Variants in UGGT2 observed in about 807,000 individuals in gnomAD.
UGGT2 encodes the protein UDP-glucose glycoprotein glucosyltransferase 2, also known as UDP-glucose:glycoprotein glucosyltransferase 2.
UGGT2 carries 180 observed loss-of-function variants against 192.1 expected under a neutral mutation model. That is an observed-to-expected ratio of 0.94 (90% CI 0.83 to 1.06). UGGT2 has a LOEUF of 1.06. Ranked by LOEUF, UGGT2 falls within the 50% of genes least tolerant of loss-of-function variation. The pLI, the probability that UGGT2 is intolerant of heterozygous loss-of-function variation, is 0.00. For synonymous variants in UGGT2, 580 were observed against 591.0 expected (o/e 0.98, Z 0.27); for missense variants, 1,849 against 1,795.7 (o/e 1.03, Z -0.54).
At chr13:95,955,446 A>C (rs531047394) in intron 12 of UGGT2, among the ~76,000 whole-genome samples, 1 of 152,356 alleles carries the variant, frequency 6.6e-6, no homozygotes, top group South Asian at 2.1e-4. Flanking sequence ...TATGCAAATC[A>C]GGTGGTACCT....
chr13:95,999,149 AC>A, intron 6 of UGGT2, 61 bp downstream of exon 6: 1 of 1,403,010 alleles, frequency 7.1e-7, no homozygotes, highest in Non-Finnish European at 1.0e-6. Context: ...TTTTTAAAAA[AC>A]TAAAGTATGT....
intron 24 of UGGT2, among the ~76,000 whole-genome samples, chr13:95,893,713 C>A (rs2047868500): frequency 6.6e-6 from 1 of 152,122 alleles, no homozygotes; most frequent in African/African-American, 2.4e-5. Flanking sequence ...AAGGTGATAA[C>A]TGTAAGACAC....
chr13:96,027,646 C>A (rs1056542569), intron 2 of UGGT2, among the ~76,000 whole-genome samples: 1 of 152,128 alleles, frequency 6.6e-6, no homozygotes, highest in Non-Finnish European at 1.5e-5. Context: ...CTTAACGACA[C>A]GTAGCTCTAC....
chr13:95,976,499 T>A (rs2050941754), intron 10 of UGGT2, among the ~76,000 whole-genome samples: 2 of 152,156 alleles, frequency 1.3e-5, no homozygotes, highest in Admixed American at 1.3e-4. Flanking sequence ...ACCTCTATAC[T>A]ACTGTTTTCC....
chr13:95,908,115 T>C (rs1393075198), intron 20 of UGGT2, among the ~76,000 whole-genome samples: 1 of 152,088 alleles, frequency 6.6e-6, no homozygotes, highest in Non-Finnish European at 1.5e-5. Context: ...CAAGCTTCAA[T>C]AGCAGATTCA....
chr13:95,964,617 A>G (rs1006729657), intron 12 of UGGT2, among the ~76,000 whole-genome samples: 1 of 152,188 alleles, frequency 6.6e-6, no homozygotes, highest in African/African-American at 2.4e-5. Context: ...TAAAATAAAC[A>G]ATCTTATTTT....
chr13:95,874,740 G>T (rs1891516925), intron 29 of UGGT2, among the ~76,000 whole-genome samples: 1 of 151,810 alleles, frequency 6.6e-6, no homozygotes, highest in African/African-American at 2.4e-5. Context: ...TGCCCAGCCT[G>T]GAGTGCAGTG....
chr13:95,907,339 A>G (rs1300263143), intron 20 of UGGT2, among the ~76,000 whole-genome samples: 1 of 152,238 alleles, frequency 6.6e-6, no homozygotes, highest in Non-Finnish European at 1.5e-5. Flanking sequence ...GCTTAGCAGA[A>G]CAAAAGGCAG....
chr13:95,849,501 C>T (rs905971010), intron 36 of UGGT2, among the ~76,000 whole-genome samples: 2 of 150,592 alleles, frequency 1.3e-5, no homozygotes, highest in African/African-American at 4.9e-5. Flanking sequence ...CAAGATAGTG[C>T]CATTGCACTC....
chr13:95,812,252 CTT>C (rs1245497738), intron 38 of UGGT2, among the ~76,000 whole-genome samples: 3 of 152,252 alleles, frequency 2.0e-5, no homozygotes, highest in African/African-American at 7.2e-5. Flanking sequence ...AGTTATTACT[CTT>C]TTGATTTTTT....
intron 34 of UGGT2, among the ~76,000 whole-genome samples, chr13:95,855,709 TAG>T (rs1566595216): frequency 6.6e-6 from 1 of 152,088 alleles, no homozygotes; most frequent in African/African-American, 2.4e-5. Flanking sequence ...CCTTAAGAGA[TAG>T]AGTGATGAGA....
chr13:95,912,524 T>C (rs1162819144), intron 20 of UGGT2, among the ~76,000 whole-genome samples: 1 of 152,064 alleles, frequency 6.6e-6, no homozygotes, highest in Admixed American at 6.6e-5. Context: ...GTAATCCAAC[T>C]TACAAGGGAT....
chr13:95,851,277 T>G (rs1483919503), intron 36 of UGGT2, among the ~76,000 whole-genome samples: 3 of 152,192 alleles, frequency 2.0e-5, no homozygotes, highest in Non-Finnish European at 4.4e-5. Flanking sequence ...GTTTTGGTCA[T>G]TAATGTGGCA....
chr13:95,954,962 G>A (rs983621554), intron 12 of UGGT2, among the ~76,000 whole-genome samples: 1 of 152,164 alleles, frequency 6.6e-6, no homozygotes. Flanking sequence ...AAGCATTTTG[G>A]ATAAGGGACA....
At chr13:95,838,498 A>G (rs1051159194) in intron 36 of UGGT2, among the ~76,000 whole-genome samples, 1 of 152,150 alleles carries the variant, frequency 6.6e-6, no homozygotes, top group African/African-American at 2.4e-5. Flanking sequence ...CCAACACAAT[A>G]TTGAAGAATA....
chr13:95,900,948 A>C lies in UGGT2; in HGVS notation c.2503-10T>G. 1.3e-6 allele frequency: 2 copies of C among 1,546,816 alleles called. No individual in the cohort carries two copies. The highest frequency in any genetic ancestry group is 1.7e-6 in the Non-Finnish European group (2 of 1,152,166). The stretch of plus-strand genomic sequence containing the variant: ...CATTCTTATCCATCCCCTAAAGCAA[A>C]AGTTAAGACTGATGAAACTAATATG... On this transcript the variant is annotated splice_polypyrimidine_tract_variant and intron_variant, in intron 21 of 38. Transcript: ENST00000376747.
At chr13:96,017,463 G>A (rs1282221782) in intron 4 of UGGT2, among the ~76,000 whole-genome samples, 1 of 152,170 alleles carries the variant, frequency 6.6e-6, no homozygotes, top group Non-Finnish European at 1.5e-5. Flanking sequence ...CCAAGCAGAT[G>A]TTAATGCCAT....
At chr13:95,853,141 G>A (rs1349797005) in intron 36 of UGGT2, among the ~76,000 whole-genome samples, 2 of 152,164 alleles carry the variant, frequency 1.3e-5, no homozygotes, top group Admixed American at 6.5e-5. Context: ...GAAGATGGAC[G>A]TGTTTGCTTC....
Position 96,019,691 on chromosome 13 carries a change from C to A in UGGT2, c.485+3349G>T, listed in dbSNP as rs139224008. 3.3e-3 allele frequency among the ~76,000 whole-genome samples: 507 copies of A among 152,246 alleles called. 3 individuals carry two copies. Among genetic ancestry groups the A allele is most frequent in the Non-Finnish European group, 6.3e-3 (429 of 68,008 alleles). On this transcript the variant is annotated intron_variant, in intron 4 of 38. Coordinates refer to ENST00000376747, the MANE Select transcript of UGGT2 (RefSeq NM_020121.4). The stretch of plus-strand genomic sequence containing the variant: ...CCAAGGAGTGGTATTTTTAAGCTGC[C>A]CATCTGTAGTCTTCCAAGTGGCAGA...
Sources: allele counts gnomAD v4.1 joint callset (sites outside exome capture counted in the v4.1 genomes callset), GRCh38; gene constraint gnomAD v4.1.1; transcripts MANE v1.5; gene names NCBI Gene and HGNC (gene_info 2026-07-23, HGNC 2026-07-21).